The following USP7 variants were observed in gnomAD, a reference collection of about 807,000 sequenced individuals.
The protein encoded by USP7 is ubiquitin specific peptidase 7, also known as ubiquitin C-terminal hydrolase 7.
A neutral mutation model predicts 162.9 loss-of-function variants in USP7; 9 were observed. That is an observed-to-expected ratio of 0.06 (90% CI 0.03 to 0.10). The LOEUF is 0.10. Ranked by LOEUF, USP7 falls within the 10% of genes least tolerant of loss-of-function variation. The probability of loss-of-function intolerance (pLI) is 1.00; values close to 1 mark genes in which losing one functional copy is unlikely to be tolerated. For synonymous variants in USP7, 562 were observed against 475.9 expected (o/e 1.18, Z -2.35); for missense variants, 715 against 1,373.7 (o/e 0.52, Z 7.58).
At chr16:8,918,719 G>C (rs149741301) in intron 6 of USP7, among the ~76,000 whole-genome samples, 2,468 of 152,314 alleles carry the variant, frequency 0.016, 24 homozygotes, top group Non-Finnish European at 0.024. Context: ...TGAGGCCAGA[G>C]AATCACTTGA....
intron 6 of USP7, among the ~76,000 whole-genome samples, chr16:8,918,608 G>A (rs796956782): frequency 3.3e-5 from 5 of 152,204 alleles, no homozygotes; most frequent in African/African-American, 4.8e-5. Flanking sequence ...TCAGGAGTTC[G>A]AGACCAGCCT....
intron 30 of USP7, among the ~76,000 whole-genome samples, 199 bp downstream of exon 30, chr16:8,894,351 A>T (rs1793988152): frequency 6.6e-6 from 1 of 152,200 alleles, no homozygotes; most frequent in Non-Finnish European, 1.5e-5. Flanking sequence ...CTCTCCTTGA[A>T]GATCTCACAG....
chr16:8,894,016 G>A lies in USP7; in HGVS notation c.3291C>T (p.Ala1097=), dbSNP rs2061644060. The A allele has an allele frequency of 6.2e-7, 1 of 1,614,072 alleles. No homozygotes were observed. The highest frequency in any genetic ancestry group is 1.3e-5 in the African/African-American group (1 of 74,936). The change falls in exon 31 of 31, where the codon GCC becomes GCT. Residue 1097 remains alanine, a synonymous_variant. Coordinates refer to ENST00000344836, the MANE Select transcript of USP7 (RefSeq NM_003470.3). ...TTGGAAATCAGTTATGGATTTTAAT[G>A]GCCTTTTCAAGGTAAGTGTAGCGAC... ...KRSRYTYLEK[A]IKIHN
At chr16:8,962,986 C>T (rs1251259702) in intron 1 of USP7, 5 of 252,004 alleles carry the variant, frequency 2.0e-5, no homozygotes, top group Admixed American at 1.1e-4. Context: ...GACGCGAGGT[C>T]GGGACAATGC....
At chr16:8,894,696 C>T in intron 29 of USP7, 56 bp from the exon 30 acceptor site, 1 of 1,611,936 alleles carries the variant, frequency 6.2e-7, no homozygotes, top group Non-Finnish European at 8.5e-7. Flanking sequence ...GCAAAACTCA[C>T]ATCTCTGGCA....
chr16:8,902,558 TATATAC>T (rs1264660234), intron 16 of USP7, 76 bp from the exon 17 acceptor site: 22 of 1,125,016 alleles, frequency 2.0e-5, no homozygotes, highest in Admixed American at 6.7e-5. Flanking sequence ...CACACATATG[TATATAC>T]ATATACATAT....
At chr16:8,905,051 G>A in intron 14 of USP7, 136 bp downstream of exon 14, 2 of 1,061,636 alleles carry the variant, frequency 1.9e-6, no homozygotes, top group South Asian at 1.5e-5. Flanking sequence ...GCCCAACCCT[G>A]CTCATTTCTG....
chr16:8,899,579 G>A lies in USP7; in HGVS notation c.2463+25C>T, dbSNP rs567742321. The A allele has an allele frequency of 2.5e-6, 4 of 1,610,068 alleles. No homozygotes were observed. In the South Asian group the frequency reaches 4.4e-5, roughly 18 times the overall value. ...TTGTCTTTCTGGAGTGGGATCTGAAGAGGAAAGGAGCATTTATTAAATACC... is the reference window on the plus strand; with the variant it reads ...TTGTCTTTCTGGAGTGGGATCTGAAAAGGAAAGGAGCATTTATTAAATACC... On this transcript the variant is annotated intron_variant, in intron 22 of 30. Transcript: ENST00000344836.
chr16:8,912,109 G>A (rs150963752), intron 10 of USP7, among the ~76,000 whole-genome samples: 160 of 152,274 alleles, frequency 1.1e-3, no homozygotes, highest in African/African-American at 3.6e-3. Context: ...CTAACACCCA[G>A]CAAGATAAAA....
rs1314682906 is a variant in USP7, at chr16:8,895,117, C to G, written c.2953G>C (p.Glu985Gln). The G allele has an allele frequency of 6.2e-7, 1 of 1,614,126 alleles. No homozygotes were observed. The change falls in exon 28 of 31, where the codon GAG becomes CAG. Residue 985 changes from glutamate to glutamine, a missense_variant. This residue lies in a region of USP7 where 222 missense variants were observed against 441.7 expected (regional missense o/e 0.50). Coordinates refer to ENST00000344836, the MANE Select transcript of USP7 (RefSeq NM_003470.3). ...IPLDQVDIDKENEMLVTVAHF... is the reference protein window; with the variant it reads ...IPLDQVDIDKQNEMLVTVAHF... ...GCCACTGTGACAAGCATCTCATTCT[C>G]TTTGTCTATGTCCACCTGGTCCAAA...
At chr16:8,945,903 T>TA (rs986549776) in intron 1 of USP7, among the ~76,000 whole-genome samples, 2 of 150,542 alleles carry the variant, frequency 1.3e-5, no homozygotes, top group Admixed American at 6.6e-5. Flanking sequence ...AAGTAAAAAT[T>TA]AAAAAAAACA....
intron 2 of USP7, among the ~76,000 whole-genome samples, chr16:8,927,270 C>T (rs577640980): frequency 4.1e-4 from 61 of 147,312 alleles, no homozygotes; most frequent in East Asian, 1.8e-3. Context: ...TGAGGTGAAC[C>T]GAGATTGCGC....
chr16:8,934,448 A>G (rs1334273599), intron 1 of USP7, among the ~76,000 whole-genome samples: 2 of 152,388 alleles, frequency 1.3e-5, no homozygotes, highest in East Asian at 1.9e-4. Context: ...TCAAGAGCGC[A>G]TAACATCTTA....
Position 8,963,897 on chromosome 16 carries a change from G to C in USP7, c.-612C>G, listed in dbSNP as rs1429766562. Among the ~76,000 whole-genome samples, 2 of 147,018 alleles carry C rather than the reference G, an allele frequency of 1.4e-5. No homozygotes were observed. The highest frequency in any genetic ancestry group is 3.0e-5 in the Non-Finnish European group (2 of 65,984). On this transcript the variant is annotated 5_prime_UTR_variant, in exon 1 of 31. Coordinates refer to ENST00000344836, the MANE Select transcript of USP7 (RefSeq NM_003470.3). ...GGCTCGCTCTCAAAATGGCGGCGGC[G>C]TGAAATGTCACATCCGCATGGGGGG...
chr16:8,911,621 T>C (rs1004596914), intron 10 of USP7, among the ~76,000 whole-genome samples: 2 of 152,158 alleles, frequency 1.3e-5, no homozygotes, highest in Non-Finnish European at 1.5e-5. Context: ...TGGGCCCAGC[T>C]CTGCTGAAAG....
chr16:8,917,169 A>C lies in USP7; in HGVS notation c.721-13T>G. On this transcript the variant is annotated splice_polypyrimidine_tract_variant and intron_variant, in intron 6 of 30. Transcript: ENST00000344836. ...TCATGTACACAGCCTGAAACAATTA[A>C]GAAATAAGAATTTTTACTCTGAGAA... The C allele has an allele frequency of 1.3e-6, 2 of 1,581,248 alleles. No homozygotes were observed. The highest frequency in any genetic ancestry group is 4.5e-5 in the East Asian group (2 of 44,434).
At chr16:8,930,219 T>G in intron 2 of USP7, 74 bp downstream of exon 2, 1 of 1,177,434 alleles carries the variant, frequency 8.5e-7, no homozygotes, top group South Asian at 1.4e-5. Flanking sequence ...ACCCAAGAAG[T>G]ACCAAGCATG....
intron 16 of USP7, 88 bp from the exon 17 acceptor site, chr16:8,902,570 C>T (rs1224326721): frequency 6.2e-6 from 6 of 968,824 alleles, no homozygotes; most frequent in Non-Finnish European, 7.6e-6. Flanking sequence ...TATACATATA[C>T]ATATATATAT....
chr16:8,929,343 AGCGGGTTTAGACCAC>A (rs1898190648), intron 2 of USP7: 1 of 380,350 alleles, frequency 2.6e-6, no homozygotes, highest in Non-Finnish European at 5.2e-6. Flanking sequence ...GTAACAAAGC[AGCGGGTTTAGACCAC>A]GCCTCTTTAC....
Sources: gnomAD v4.1 joint callset for allele counts (sites outside exome capture counted in the v4.1 genomes callset) on GRCh38, gnomAD v4.1.1 for gene constraint, gnomAD v4.1.1 regional missense constraint, MANE v1.5 for transcripts, NCBI Gene and HGNC (gene_info 2026-07-23, HGNC 2026-07-21) for gene names.